Variants in ARHGAP22 observed in about 807,000 individuals in gnomAD.
The protein encoded by ARHGAP22 is Rho GTPase activating protein 22, also known as rho GTPase-activating protein 22.
A neutral mutation model predicts 59.1 loss-of-function variants in ARHGAP22; 48 were observed. The ratio of observed to expected loss-of-function variants is 0.81; its 90% confidence interval spans 0.64 to 1.03. The LOEUF (loss-of-function observed/expected upper bound fraction) is 1.03. Ranked by LOEUF, ARHGAP22 falls within the 50% of genes least tolerant of loss-of-function variation. The pLI, the probability that ARHGAP22 is intolerant of heterozygous loss-of-function variation, is 0.00. For synonymous variants in ARHGAP22, 445 were observed against 416.4 expected (o/e 1.07, Z -0.84); for missense variants, 1,015 against 958.7 (o/e 1.06, Z -0.78).
chr10:48,440,561 G>T, the ARHGAP22 span, among the ~76,000 whole-genome samples: 1 of 152,186 alleles, frequency 6.6e-6, no homozygotes, highest in Non-Finnish European at 1.5e-5. Context: ...TGAAGGAAAG[G>T]CAAGCAGATT....
At chr10:48,439,628 T>C in the ARHGAP22 span, among the ~76,000 whole-genome samples, 1 of 152,126 alleles carries the variant, frequency 6.6e-6, no homozygotes, top group Non-Finnish European at 1.5e-5. Flanking sequence ...TTGGTAGACA[T>C]ATGAGAGAAC....
At chr10:48,634,217 G>A (rs531163049) in intron 1 of ARHGAP22, among the ~76,000 whole-genome samples, 7 of 152,290 alleles carry the variant, frequency 4.6e-5, no homozygotes, top group Admixed American at 2.0e-4. Context: ...TGCTGTGAGT[G>A]AGCACTAAAG....
rs553835954 is a variant in ARHGAP22, at chr10:48,539,290, C to CTTTTTTTTTTTTTTTTTTT, written c.322+16172_322+16173insAAAAAAAAAAAAAAAAAAA. Among the ~76,000 whole-genome samples, 17 of 129,328 alleles carry CTTTTTTTTTTTTTTTTTTT rather than the reference C, an allele frequency of 1.3e-4. 3 individuals are homozygous for CTTTTTTTTTTTTTTTTTTT. Among genetic ancestry groups the CTTTTTTTTTTTTTTTTTTT allele is most frequent in the African/African-American group, 5.0e-4 (16 of 31,996 alleles). The allele number at this position is 129,328 out of a possible 152,430, so 84.8% of individuals were successfully genotyped here. On this transcript the variant is annotated intron_variant, in intron 3 of 9. Coordinates refer to ENST00000249601, the MANE Select transcript of ARHGAP22 (RefSeq NM_021226.4). ...CTAACAATTAGTATGAGAAGGGTAA[C>CTTTTTTTTTTTTTTTTTTT]ATTTTTTTTTTTTTTTTTTGAGACG...
chr10:48,530,260 A>AAAAAAAAAAAC (rs2054707723), intron 3 of ARHGAP22, among the ~76,000 whole-genome samples: 1 of 149,886 alleles, frequency 6.7e-6, no homozygotes, highest in African/African-American at 2.5e-5. Context: ...AAAAAAAAAA[A>AAAAAAAAAAAC]ATCAACTCAA....
chr10:48,500,265 C>T (rs963461108), intron 3 of ARHGAP22, among the ~76,000 whole-genome samples: 1 of 151,908 alleles, frequency 6.6e-6, no homozygotes, highest in Non-Finnish European at 1.5e-5. Context: ...GGTAACTTGA[C>T]CTCAGCAGAG....
upstream of ARHGAP22, among the ~76,000 whole-genome samples, chr10:48,654,186 C>G (rs1418676067): frequency 1.3e-5 from 2 of 152,170 alleles, no homozygotes; most frequent in Non-Finnish European, 2.9e-5. Flanking sequence ...CAATGTTAAC[C>G]AAGTCTGGGT....
chr10:48,495,028 C>T (rs2050776337), intron 3 of ARHGAP22, among the ~76,000 whole-genome samples: 1 of 152,244 alleles, frequency 6.6e-6, no homozygotes, highest in African/African-American at 2.4e-5. Context: ...ATTAGTCTTA[C>T]ACGACTTTCT....
chr10:48,591,547 G>T (rs1027631359), intron 1 of ARHGAP22, among the ~76,000 whole-genome samples: 1 of 152,166 alleles, frequency 6.6e-6, no homozygotes, highest in Non-Finnish European at 1.5e-5. Context: ...ATAAGATACC[G>T]CACTGTGTAC....
chr10:48,515,682 C>T (rs768841884), intron 3 of ARHGAP22, among the ~76,000 whole-genome samples: 2 of 152,030 alleles, frequency 1.3e-5, no homozygotes, highest in Non-Finnish European at 2.9e-5. Context: ...ATAAAGTAAG[C>T]CTTAAAAATT....
intron 5 of ARHGAP22, among the ~76,000 whole-genome samples, chr10:48,458,929 TGCCCCCAGAGGAGAA>T (rs2046851219): frequency 6.6e-6 from 1 of 152,164 alleles, no homozygotes; most frequent in Non-Finnish European, 1.5e-5. Flanking sequence ...CTGAGTGTTC[TGCCCCCAGAGGAGAA>T]GCCCTGGGAG....
At chr10:48,561,969 G>T (rs1378506806) in intron 2 of ARHGAP22, among the ~76,000 whole-genome samples, 1 of 152,208 alleles carries the variant, frequency 6.6e-6, no homozygotes, top group Non-Finnish European at 1.5e-5. Context: ...GCTCACGCCT[G>T]TAATCCCAGC....
At chr10:48,440,008 C>G in the ARHGAP22 span, among the ~76,000 whole-genome samples, 12 of 152,220 alleles carry the variant, frequency 7.9e-5, no homozygotes, top group Non-Finnish European at 1.5e-4. Flanking sequence ...AGAGGCCTCC[C>G]AGGAGAAACG....
chr10:48,622,027 G>C (rs2061303012), intron 1 of ARHGAP22, among the ~76,000 whole-genome samples: 1 of 151,968 alleles, frequency 6.6e-6, no homozygotes, highest in East Asian at 1.9e-4. Flanking sequence ...ACCTATTTGT[G>C]TCTTTGAATC....
intron 1 of ARHGAP22, among the ~76,000 whole-genome samples, chr10:48,645,059 T>C (rs1013455930): frequency 6.6e-6 from 1 of 151,936 alleles, no homozygotes; most frequent in Non-Finnish European, 1.5e-5. Flanking sequence ...AAATCAGTAA[T>C]GAAAAAGGGG....
At chr10:48,601,102 C>T (rs1163077433) in intron 1 of ARHGAP22, among the ~76,000 whole-genome samples, 5 of 152,220 alleles carry the variant, frequency 3.3e-5, no homozygotes, top group Admixed American at 3.3e-4. Flanking sequence ...CTGCTTCACT[C>T]TCAGAGCCAT....
intron 1 of ARHGAP22, among the ~76,000 whole-genome samples, chr10:48,625,917 A>T (rs1010355980): frequency 6.6e-6 from 1 of 152,136 alleles, no homozygotes; most frequent in Non-Finnish European, 1.5e-5. Flanking sequence ...GCCCTATGAC[A>T]CCATTGTCAC....
chr10:48,616,666 G>A (rs2061093511), intron 1 of ARHGAP22, among the ~76,000 whole-genome samples: 1 of 152,106 alleles, frequency 6.6e-6, no homozygotes, highest in Non-Finnish European at 1.5e-5. Flanking sequence ...GGAGGCCAGA[G>A]GCAGTGGAGT....
Position 48,583,111 on chromosome 10 carries a change from G to A in ARHGAP22, c.76C>T (p.Pro26Ser). The change falls in exon 2 of 10, where the codon CCT (proline) becomes TCT (serine). Residue 26 changes from proline (P) to serine (S), a missense_variant. By Grantham distance (74) the Pro-to-Ser change is moderately conservative (BLOSUM62 -1). Transcript: ENST00000249601. ...SLVMGEQSRS[P>S]GRMPCPHRLG... ...CTGTGAGGGCACGGCATCCGCCCAGGGCTCCGGCTCTGCTCCCCCATCACT... is the reference window on the plus strand; with the variant it reads ...CTGTGAGGGCACGGCATCCGCCCAGAGCTCCGGCTCTGCTCCCCCATCACT... 1.2e-6 allele frequency: 2 copies of A among 1,614,238 alleles called. No individual in the cohort carries two copies. The highest frequency in any genetic ancestry group is 1.7e-6 in the Non-Finnish European group (2 of 1,180,048).
chr10:48,481,166 A>G (rs962698260), intron 3 of ARHGAP22, among the ~76,000 whole-genome samples: 18 of 152,244 alleles, frequency 1.2e-4, no homozygotes, highest in African/African-American at 4.3e-4. Flanking sequence ...AGGCTGAGAC[A>G]GTGGAGCCCA....
Sources: gnomAD v4.1 joint callset for allele counts (sites outside exome capture counted in the v4.1 genomes callset) on GRCh38, gnomAD v4.1.1 for gene constraint, MANE v1.5 for transcripts, NCBI Gene and HGNC (gene_info 2026-07-23, HGNC 2026-07-21) for gene names.